EZR: variants seen among roughly 807,000 people sequenced by gnomAD.
EZR encodes the protein ezrin.
Under a neutral mutation model 74.8 loss-of-function variants are expected in EZR, and 40 were observed. The ratio of observed to expected loss-of-function variants is 0.53; its 90% confidence interval spans 0.42 to 0.70. The LOEUF (loss-of-function observed/expected upper bound fraction) is 0.70. EZR is among the 30% of genes least tolerant of loss of function. EZR has a pLI of 0.00. For synonymous variants in EZR, 341 were observed against 283.3 expected, an observed-to-expected ratio of 1.20 and a Z score of -2.05; for missense variants, 678 against 755.8, an observed-to-expected ratio of 0.90 and a Z score of 1.21.
At chr6:158,813,891 C>T (rs1777498168) in intron 2 of EZR, among the ~76,000 whole-genome samples, 1 of 151,888 alleles carries the variant, frequency 6.6e-6, no homozygotes, top group African/African-American at 2.4e-5. Context: ...TGAACACAAT[C>T]CCCTTTTCCT....
At chr6:158,803,530 TATATATATATATATGTATATATATATA>T (rs1777236989) in intron 2 of EZR, among the ~76,000 whole-genome samples, 1 of 68,194 alleles carries the variant, frequency 1.5e-5, no homozygotes, top group Non-Finnish European at 2.4e-5. Flanking sequence ...TGTAACATTA[TATATATATATATATGTATATATATATA>T]TATATATATA....
intron 2 of EZR, among the ~76,000 whole-genome samples, chr6:158,789,973 CA>C (rs1266028012): frequency 6.6e-6 from 1 of 152,118 alleles, no homozygotes; most frequent in African/African-American, 2.4e-5. Context: ...TTTTTCCATG[CA>C]CCATCTCATA....
At chr6:158,773,410 T>A (rs1033846024) in intron 8 of EZR, among the ~76,000 whole-genome samples, 1 of 152,178 alleles carries the variant, frequency 6.6e-6, no homozygotes, top group Non-Finnish European at 1.5e-5. Flanking sequence ...CAAAGACTCA[T>A]ACTGAAATGT....
chr6:158,790,413 ACC>A (rs1791708011), intron 2 of EZR, among the ~76,000 whole-genome samples: 1 of 152,224 alleles, frequency 6.6e-6, no homozygotes, highest in African/African-American at 2.4e-5. Context: ...TGGCTCACAC[ACC>A]TGTAATCCCA....
At chr6:158,780,182 CAAAA>C (rs67002848) in intron 7 of EZR, among the ~76,000 whole-genome samples, 2 of 127,198 alleles carry the variant, frequency 1.6e-5, no homozygotes, top group African/African-American at 5.7e-5. Context: ...GATTCCATAT[CAAAA>C]AAAAAAAAAA....
rs950092625 is a variant in EZR at position 158,766,241 on chromosome 6, G to A, written c.*673C>T. The A allele has an allele frequency of 6.7e-6, 1 of 150,278 alleles. No homozygotes were observed. The highest frequency in any genetic ancestry group is 1.5e-5 in the Non-Finnish European group (1 of 67,726). 9.3% of individuals were successfully genotyped at this position (150,278 alleles called of 1,614,324 possible). On this transcript the variant is annotated 3_prime_UTR_variant, in exon 14 of 14. Coordinates refer to ENST00000367075, the MANE Select transcript of EZR (RefSeq NM_001111077.2). ...CTGTATTATCACTTGTATATAAATAGTATATAGCTGATCATTAATAAGGTG... is the reference window on the plus strand; with the variant it reads ...CTGTATTATCACTTGTATATAAATAATATATAGCTGATCATTAATAAGGTG...
At chr6:158,799,083 G>C (rs1777137230) in intron 2 of EZR, among the ~76,000 whole-genome samples, 1 of 152,142 alleles carries the variant, frequency 6.6e-6, no homozygotes, top group Admixed American at 6.5e-5. Flanking sequence ...GACAATACCA[G>C]GCATGGTTCA....
chr6:158,807,524 G>C (rs1357835795), intron 2 of EZR, among the ~76,000 whole-genome samples: 4 of 152,152 alleles, frequency 2.6e-5, no homozygotes, highest in Non-Finnish European at 1.5e-5. Flanking sequence ...ACAAGTTCTT[G>C]AAGAAAGACC....
At chr6:158,785,093 C>T (rs866292669) in intron 5 of EZR, among the ~76,000 whole-genome samples, 9 of 152,252 alleles carry the variant, frequency 5.9e-5, no homozygotes, top group African/African-American at 2.2e-4. Context: ...CCATGTCCCA[C>T]AGGACACGGC....
rs1791558531 is a variant in EZR at position 158,785,587 on chromosome 6, C to T, written c.193-4G>A. On this transcript the variant is annotated splice_region_variant and splice_polypyrimidine_tract_variant and intron_variant, in intron 4 of 13. Transcript: ENST00000367075. Reference sequence around the variant, plus strand: ...TCCTGACCTCCTGGGCAGACACCTGCACGAAACAAGCCACACTCTCCACAC... The same window carrying T: ...TCCTGACCTCCTGGGCAGACACCTGTACGAAACAAGCCACACTCTCCACAC... 1.2e-6 allele frequency: 2 copies of T among 1,613,010 alleles called. No individual in the cohort carries two copies. Among genetic ancestry groups the T allele is most frequent in the African/African-American group, 2.7e-5 (2 of 74,886 alleles).
chr6:158,776,853 T>A (rs1056968498), intron 7 of EZR, among the ~76,000 whole-genome samples: 1 of 152,122 alleles, frequency 6.6e-6, no homozygotes, highest in African/African-American at 2.4e-5. Context: ...CATTCCCACA[T>A]CACATCACCA....
At chr6:158,768,501 G>A (rs1410199395) in intron 12 of EZR, among the ~76,000 whole-genome samples, 1 of 152,138 alleles carries the variant, frequency 6.6e-6, no homozygotes, top group African/African-American at 2.4e-5. Context: ...TCCCCAGAAG[G>A]CACCTCCACA....
chr6:158,818,461 C>G (rs890987154), intron 1 of EZR, among the ~76,000 whole-genome samples: 6 of 151,034 alleles, frequency 4.0e-5, no homozygotes, highest in Non-Finnish European at 5.9e-5. Flanking sequence ...GGGGTGCGCA[C>G]CCAGGGGACC....
At position 158,767,461 on chromosome 6, in the gene EZR, C is replaced by G; in HGVS notation, c.1396G>C (p.Val466Leu). Reference sequence around the variant, plus strand: ...GGTGGGGGCGGGGGTGCTGTCATCACCAGGTGCAGCTCCTCCTTGGTCTTC... The same window carrying G: ...GGTGGGGGCGGGGGTGCTGTCATCAGCAGGTGCAGCTCCTCCTTGGTCTTC... ...LVKTKEELHL[V>L]MTAPPPPPPP... Residue 466 changes from valine to leucine, a missense_variant, in exon 13 of 14, where the codon GTG becomes CTG. By Grantham distance (32) the Val-to-Leu change is conservative (BLOSUM62 1). Transcript: ENST00000367075. 6.2e-7 allele frequency: 1 copy of G among 1,611,666 alleles called. No homozygotes were observed. The highest frequency in any genetic ancestry group is 8.5e-7 in the Non-Finnish European group (1 of 1,178,362).
intron 2 of EZR, among the ~76,000 whole-genome samples, chr6:158,803,743 T>G (rs553737795): frequency 6.7e-6 from 1 of 149,750 alleles, no homozygotes; most frequent in Non-Finnish European, 1.5e-5. Flanking sequence ...AAATCCTAAA[T>G]AGCTCTCCTT....
chr6:158,769,976 C>T (rs1347253619), intron 10 of EZR, 32 bp from the exon 11 acceptor site: 1 of 1,603,594 alleles, frequency 6.2e-7, no homozygotes, highest in East Asian at 2.2e-5. Flanking sequence ...GCCATTCAAA[C>T]CCTCAGCCCA....
rs1791085969 is a variant in EZR, at chr6:158,770,903, G to A, written c.960-9C>T. On this transcript the variant is annotated splice_polypyrimidine_tract_variant and intron_variant, in intron 9 of 13. Coordinates refer to ENST00000367075, the MANE Select transcript of EZR (RefSeq NM_001111077.2). ...CTGTTTCCAGCTGTTGCCTGGTGCA[G>A]GGAAAAAGAGGCACAGGGAGATTTA... 1 of 1,614,154 alleles carries A rather than the reference G, an allele frequency of 6.2e-7. No homozygotes were observed. Among genetic ancestry groups the A allele is most frequent in the Non-Finnish European group, 8.5e-7 (1 of 1,180,012 alleles).
rs756400625 is a variant in EZR, at chr6:158,766,787, G to A, written c.*127C>T. ...TCCCAGCCCAGAATGTTTCTGTTGG[G>A]TAACTGCTTTCTAAAGGAACTGGGA... On this transcript the variant is annotated 3_prime_UTR_variant, in exon 14 of 14. Transcript: ENST00000367075. 55 of 976,652 alleles carry A rather than the reference G, an allele frequency of 5.6e-5. No individual in the cohort carries two copies. Among genetic ancestry groups the A allele is most frequent in the Middle Eastern group, 6.6e-4 (2 of 3,008 alleles). 60.5% of individuals were successfully genotyped at this position (976,652 alleles called of 1,614,324 possible).
chr6:158,765,989 C>A lies in EZR; in HGVS notation c.*925G>T, dbSNP rs1400843086. 6.6e-6 allele frequency: 1 copy of A among 152,592 alleles called. No homozygotes were observed. Among genetic ancestry groups the A allele is most frequent in the Non-Finnish European group, 1.5e-5 (1 of 68,054 alleles). The allele number at this position is 152,592 out of a possible 1,614,324, so 9.5% of individuals were successfully genotyped here. A position where few individuals can be genotyped will look rare whatever the true frequency, so the allele number is the denominator to read the frequency against. ...AAAGCTCATAGTGGCATGTGTGAAT[C>A]TGACAAAATTAAAAGTGTGCATAGT... is the stretch of plus-strand genomic sequence containing the variant. On this transcript the variant is annotated 3_prime_UTR_variant, in exon 14 of 14. Transcript: ENST00000367075.
Sources: gnomAD v4.1 joint callset for allele counts (sites outside exome capture counted in the v4.1 genomes callset) on GRCh38, gnomAD v4.1.1 for gene constraint, MANE v1.5 for transcripts, NCBI Gene and HGNC (gene_info 2026-07-23, HGNC 2026-07-21) for gene names.